PAG1: variants seen among roughly 807,000 people sequenced by gnomAD.
The protein encoded by PAG1 is phosphoprotein associated with glycosphingolipid-enriched microdomains 1.
In PAG1, 23 loss-of-function variants were observed where a neutral mutation model predicts 31.7. The ratio of observed to expected loss-of-function variants is 0.73; its 90% CI spans 0.52 to 1.03. The LOEUF (loss-of-function observed/expected upper bound fraction) is 1.03, where lower values mean the gene tolerates loss of function less well. Ranked by LOEUF, PAG1 falls within the 50% of genes least tolerant of loss-of-function variation. The probability of loss-of-function intolerance (pLI) is 0.00; values close to 1 mark genes in which losing one functional copy is unlikely to be tolerated. For missense variants in PAG1, 473 were observed against 540.7 expected, an observed-to-expected ratio of 0.87 and a Z score of 1.24; for synonymous variants, 214 against 210.3, an observed-to-expected ratio of 1.02 and a Z score of -0.15.
intron 3 of PAG1, among the ~76,000 whole-genome samples, chr8:80,993,599 CTTT>C (rs56960149): frequency 2.9e-5 from 4 of 135,922 alleles, no homozygotes; most frequent in South Asian, 2.3e-4. Context: ...TCTTCTTGTT[CTTT>C]TTTTTTTTTT....
In PAG1 at chr8:80,980,435, C is replaced by G; in HGVS notation, c.936G>C (p.Glu312Asp). ...REEDPTLTEE[E>D]ISAMYSSVNK... is the part of the protein sequence containing the mutation. ...CTTTTTAAAAAGAAACAAAACTTAC[C>G]TCTTCTTCTGTGAGAGTGGGGTCTT... is the stretch of plus-strand genomic sequence containing the variant. Residue 312 changes from glutamate to aspartate, a missense_variant and splice_region_variant, in exon 8 of 9, where the codon GAG becomes GAC. Glu to Asp is a conservative substitution (Grantham distance 45). Coordinates refer to ENST00000220597, the MANE Select transcript of PAG1 (RefSeq NM_018440.4). 1 of 1,575,550 alleles carries G rather than the reference C, an allele frequency of 6.3e-7. No homozygotes were observed. The highest frequency in any genetic ancestry group is 8.7e-7 in the Non-Finnish European group (1 of 1,145,328).
At chr8:81,103,070 TA>T (rs1234403241) in intron 1 of PAG1, among the ~76,000 whole-genome samples, 3 of 151,946 alleles carry the variant, frequency 2.0e-5, no homozygotes, top group Non-Finnish European at 4.4e-5. Flanking sequence ...TTTTATAAGT[TA>T]AAATATTGAA....
At chr8:80,995,757 T>C (rs1479316513) in intron 3 of PAG1, among the ~76,000 whole-genome samples, 18 of 152,220 alleles carry the variant, frequency 1.2e-4, no homozygotes, top group Admixed American at 1.2e-3. Flanking sequence ...TCATGAAACC[T>C]AGTGTGGAAT....
In PAG1 at chr8:80,989,411, A is replaced by G. The variant is rs117338983; in HGVS notation, c.178-1945T>C. 6.4e-4 allele frequency among the ~76,000 whole-genome samples: 98 copies of G among 152,318 alleles called. 1 individual carries two copies. The East Asian group carries it at 0.016, about 24-fold the overall frequency. On this transcript the variant is annotated intron_variant, in intron 5 of 8. Transcript: ENST00000220597. ...ACTACTATTCCTAATCTTTGCTTCT[A>G]TGAGATGAAGAATCCGCAAGTTGTA...
intron 3 of PAG1, among the ~76,000 whole-genome samples, chr8:81,003,454 T>C (rs1807822910): frequency 6.6e-6 from 1 of 152,170 alleles, no homozygotes; most frequent in Non-Finnish European, 1.5e-5. Flanking sequence ...AAGTCAGAGC[T>C]TTTGTTTCCT....
chr8:81,004,371 C>T (rs983565068), intron 3 of PAG1, among the ~76,000 whole-genome samples: 9 of 152,146 alleles, frequency 5.9e-5, no homozygotes, highest in South Asian at 2.1e-4. Context: ...GTCTGCAACT[C>T]GGGTTGGTTT....
At chr8:81,003,175 G>GT (rs1807818648) in intron 3 of PAG1, among the ~76,000 whole-genome samples, 1 of 152,302 alleles carries the variant, frequency 6.6e-6, no homozygotes, top group South Asian at 2.1e-4. Context: ...GCAGGTGATC[G>GT]TGACGCACTC....
chr8:81,086,651 A>G (rs1809363390), intron 1 of PAG1, among the ~76,000 whole-genome samples: 1 of 152,212 alleles, frequency 6.6e-6, no homozygotes. Flanking sequence ...AGCCCAAACA[A>G]AAAACAGGCA....
intron 3 of PAG1, among the ~76,000 whole-genome samples, chr8:81,011,977 A>G (rs1426193463): frequency 6.6e-6 from 1 of 152,236 alleles, no homozygotes; most frequent in African/African-American, 2.4e-5. Context: ...AGGTTTCTTT[A>G]GATCACTTTA....
At chr8:81,097,284 G>C (rs530322370) in intron 1 of PAG1, among the ~76,000 whole-genome samples, 1 of 152,302 alleles carries the variant, frequency 6.6e-6, no homozygotes, top group African/African-American at 2.4e-5. Context: ...AGCATCACCA[G>C]AGCTGGGGAG....
At chr8:81,070,774 G>A (rs1243196216) in intron 1 of PAG1, among the ~76,000 whole-genome samples, 1 of 151,926 alleles carries the variant, frequency 6.6e-6, no homozygotes. Flanking sequence ...GGCTTCTTAT[G>A]CTTAAAAATA....
chr8:80,979,739 G>A (rs1253653257), intron 8 of PAG1, among the ~76,000 whole-genome samples: 1 of 152,116 alleles, frequency 6.6e-6, no homozygotes, highest in Non-Finnish European at 1.5e-5. Flanking sequence ...TATACAGCTA[G>A]ATCAATTAAG....
At chr8:81,017,914 C>A (rs1218563971) in intron 3 of PAG1, among the ~76,000 whole-genome samples, 1 of 152,160 alleles carries the variant, frequency 6.6e-6, no homozygotes, top group African/African-American at 2.4e-5. Flanking sequence ...TCCTAGAGTG[C>A]CTCTACTAGT....
At chr8:81,107,069 T>G (rs377211421) in intron 1 of PAG1, among the ~76,000 whole-genome samples, 1 of 152,136 alleles carries the variant, frequency 6.6e-6, no homozygotes, top group Admixed American at 6.5e-5. Context: ...GTGAGAATGA[T>G]GCAAGTATGT....
At chr8:81,092,797 C>T (rs1307736665) in intron 1 of PAG1, among the ~76,000 whole-genome samples, 1 of 152,064 alleles carries the variant, frequency 6.6e-6, no homozygotes, top group Non-Finnish European at 1.5e-5. Context: ...ACTTTTAATC[C>T]CTAACTGATC....
intron 1 of PAG1, among the ~76,000 whole-genome samples, chr8:81,083,485 C>A (rs1809301532): frequency 6.6e-6 from 1 of 151,982 alleles, no homozygotes; most frequent in Admixed American, 6.6e-5. Context: ...CTTGGGACAC[C>A]CCAGCTCTCA....
intron 7 of PAG1, among the ~76,000 whole-genome samples, chr8:80,983,697 G>A (rs916192565): frequency 5.9e-5 from 9 of 152,112 alleles, no homozygotes; most frequent in Non-Finnish European, 7.4e-5. Flanking sequence ...ACAACTCAAC[G>A]TCTTATCTTT....
intron 8 of PAG1, among the ~76,000 whole-genome samples, chr8:80,977,113 T>C (rs1471665191): frequency 6.6e-6 from 1 of 152,210 alleles, no homozygotes; most frequent in Non-Finnish European, 1.5e-5. Context: ...AGATCAGTCA[T>C]ATTCCCTTAA....
At chr8:81,103,315 C>T (rs972213309) in intron 1 of PAG1, among the ~76,000 whole-genome samples, 1 of 152,086 alleles carries the variant, frequency 6.6e-6, no homozygotes, top group African/African-American at 2.4e-5. Flanking sequence ...ACATAACACC[C>T]CCTAATTCTT....
Sources: allele counts gnomAD v4.1 joint callset (sites outside exome capture counted in the v4.1 genomes callset), GRCh38; gene constraint gnomAD v4.1.1; transcripts MANE v1.5; gene names NCBI Gene and HGNC (gene_info 2026-07-23, HGNC 2026-07-21).